The following UNC13B variants were observed in gnomAD, a reference collection of about 807,000 sequenced individuals.
The protein encoded by UNC13B is protein unc-13 homolog B.
A neutral mutation model predicts 211.0 loss-of-function variants in UNC13B; 144 were observed. That is an observed-to-expected ratio of 0.68 (90% CI 0.60 to 0.78). The LOEUF is 0.78. UNC13B is among the 30% of genes least tolerant of loss of function. UNC13B has a pLI of 0.00. For missense variants in UNC13B, 1,777 were observed against 2,002.0 expected, an observed-to-expected ratio of 0.89 and a Z score of 2.14; for synonymous variants, 709 against 725.8, an observed-to-expected ratio of 0.98 and a Z score of 0.37.
At position 35,301,645 on chromosome 9, in the gene UNC13B, T is replaced by C. The variant is rs1347717096; in HGVS notation, c.2241T>C (p.Asn747=). ...PSNLVSSASK[N]DESLLEEKLC... is the part of the protein sequence containing the mutation. ...ACTTAGTTAGTTCTGCAAGTAAAAA[T>C]GATGAGAGTCTATTGGAAGAAAAAC... is the stretch of plus-strand genomic sequence containing the variant. The change falls in exon 9 of 40, where the codon AAT becomes AAC. Residue 747 remains asparagine, a synonymous_variant. Coordinates refer to ENST00000635942, the MANE Select transcript of UNC13B (RefSeq NM_001371189.2). 1 of 398,676 alleles carries C rather than the reference T, an allele frequency of 2.5e-6. No homozygotes were observed. The highest frequency in any genetic ancestry group is 4.4e-6 in the Non-Finnish European group (1 of 225,918). 24.7% of individuals were successfully genotyped at this position (398,676 alleles called of 1,614,324 possible). A position where few individuals can be genotyped will look rare whatever the true frequency, so the allele number is the denominator to read the frequency against.
chr9:35,299,284 A>G (rs1829555490), intron 8 of UNC13B, among the ~76,000 whole-genome samples: 1 of 152,300 alleles, frequency 6.6e-6, no homozygotes, highest in East Asian at 1.9e-4. Context: ...GTAGTATAAC[A>G]AAGTTTGACT....
At position 35,380,795 on chromosome 9, in the gene UNC13B, G is replaced by T. The variant is rs1432238709; in HGVS notation, c.10375+156G>T. ...GAACTGACTGTGGGGAGGGATGGGGGACAGAGGAGTGGCAGTGGCTGTGAG... is the reference window on the plus strand; with the variant it reads ...GAACTGACTGTGGGGAGGGATGGGGTACAGAGGAGTGGCAGTGGCTGTGAG... On this transcript the variant is annotated intron_variant, in intron 18 of 39. Transcript: ENST00000635942. Among the ~76,000 whole-genome samples, 4 of 152,190 alleles carry T rather than the reference G, an allele frequency of 2.6e-5. No homozygotes were observed. The East Asian group carries it at 7.7e-4, about 29-fold the overall frequency.
intron 1 of UNC13B, among the ~76,000 whole-genome samples, chr9:35,225,731 A>G (rs984662279): frequency 1.3e-5 from 2 of 151,854 alleles, no homozygotes; most frequent in Non-Finnish European, 2.9e-5. Context: ...CTGGGGACTG[A>G]TATGCCAGAT....
At chr9:35,164,733 A>G (rs138188951) in intron 1 of UNC13B, among the ~76,000 whole-genome samples, 1 of 152,324 alleles carries the variant, frequency 6.6e-6, no homozygotes, top group African/African-American at 2.4e-5. Context: ...TACTCGTTCC[A>G]TATTTTCTGC....
chr9:35,298,954 G>A (rs1464773758), intron 8 of UNC13B, among the ~76,000 whole-genome samples: 1 of 152,142 alleles, frequency 6.6e-6, no homozygotes, highest in East Asian at 1.9e-4. Flanking sequence ...CCTTAGGCTG[G>A]GCATGGTGGC....
At chr9:35,236,342 G>C in intron 3 of UNC13B, 127 bp from the exon 4 acceptor site, 1 of 753,654 alleles carries the variant, frequency 1.3e-6, no homozygotes, top group African/African-American at 1.8e-5. Context: ...GGCATTCTGG[G>C]AAATTTTGAT....
At position 35,247,500 on chromosome 9, in the gene UNC13B, T is replaced by G. The variant is rs1359279879; in HGVS notation, c.468+4136T>G. On this transcript the variant is annotated intron_variant, in intron 6 of 39. Transcript: ENST00000635942. ...ATATTGGCTGTGGGTTTGTCATAGA[T>G]AGCTCTTATTATTTTGAGATACGTC... 3.3e-5 allele frequency among the ~76,000 whole-genome samples: 5 copies of G among 152,118 alleles called. No homozygotes were observed. In the East Asian group the frequency reaches 9.6e-4, roughly 29 times the overall value.
At chr9:35,396,221 C>A (rs769279221) in intron 26 of UNC13B, among the ~76,000 whole-genome samples, 1 of 152,198 alleles carries the variant, frequency 6.6e-6, no homozygotes, top group East Asian at 1.9e-4. Context: ...CACTTCCAAA[C>A]GCTAGAGCAA....
At chr9:35,184,781 G>GAAGA (rs1822253938) in intron 1 of UNC13B, among the ~76,000 whole-genome samples, 1 of 44,566 alleles carries the variant, frequency 2.2e-5, no homozygotes, top group South Asian at 1.3e-3. Context: ...AGGAAGGAAG[G>GAAGA]AGAAAGAAAG....
chr9:35,174,627 A>G (rs1821519510), intron 1 of UNC13B, among the ~76,000 whole-genome samples: 1 of 151,306 alleles, frequency 6.6e-6, no homozygotes, highest in Admixed American at 6.6e-5. Context: ...GGCTCACTGC[A>G]AGCTCTGCGT....
intron 1 of UNC13B, among the ~76,000 whole-genome samples, chr9:35,197,715 C>T (rs945110317): frequency 5.9e-5 from 9 of 151,528 alleles, no homozygotes; most frequent in Non-Finnish European, 1.0e-4. Context: ...ACAGTGAGTT[C>T]GTTCTCATGA....
In UNC13B at chr9:35,349,347, GAA is replaced by G. The variant is rs56137649; in HGVS notation, c.9415-17582_9415-17581del. On this transcript the variant is annotated intron_variant, in intron 11 of 39. Coordinates refer to ENST00000635942, the MANE Select transcript of UNC13B (RefSeq NM_001371189.2). Reference sequence around the variant, plus strand: ...ACCCAATCCCTACATGGTTGGGGAGGAAAAAAAAAAAAAAAAAAAGGAGTATC... The same window carrying G: ...ACCCAATCCCTACATGGTTGGGGAGGAAAAAAAAAAAAAAAAAGGAGTATC... Among the ~76,000 whole-genome samples, 401 of 115,446 alleles carry G rather than the reference GAA, an allele frequency of 3.5e-3. 3 individuals are homozygous for G. Among genetic ancestry groups the G allele is most frequent in the African/African-American group, 0.01 (326 of 31,840 alleles). 75.7% of individuals were successfully genotyped at this position (115,446 alleles called of 152,430 possible). A position where few individuals can be genotyped will look rare whatever the true frequency, so the allele number is the denominator to read the frequency against.
rs1829914167 is a variant in UNC13B, at chr9:35,306,184, CA to C, written c.6781del (p.Arg2261GlufsTer11). The C allele has an allele frequency of 5.0e-6, 2 of 398,866 alleles. No individual in the cohort carries two copies. The highest frequency in any genetic ancestry group is 8.8e-6 in the Non-Finnish European group (2 of 226,052). The allele number at this position is 398,866 out of a possible 1,614,324, so 24.7% of individuals were successfully genotyped here. On this transcript the variant is annotated frameshift_variant, in exon 9 of 40. Transcript: ENST00000635942. LOFTEE classifies it high-confidence loss of function. ...VFVESGSTMT[R>X]ESSSGHRDSI... ...TTGTAGAGAGTGGTAGCACAATGACCAGAGAAAGTTCCAGTGGTCATAGAGA... is the reference window on the plus strand; with the variant it reads ...TTGTAGAGAGTGGTAGCACAATGACCGAGAAAGTTCCAGTGGTCATAGAGA...
In UNC13B at chr9:35,390,705, G is replaced by A; in HGVS notation, c.11299G>A (p.Ala3767Thr). Residue 3767 changes from alanine (A) to threonine (T), a missense_variant, in exon 26 of 40, where the codon GCA becomes ACA. By Grantham distance (58) the Ala-to-Thr change is moderately conservative. Coordinates refer to ENST00000635942, the MANE Select transcript of UNC13B (RefSeq NM_001371189.2). The stretch of plus-strand genomic sequence containing the variant: ...TTTGTTTGCCCAAGACATGAAATAT[G>A]CATTGGAGGGTAAGGATCTGTTCAA... ...WHLFAQDMKY[A>T]LEEHEKDHLC... is the part of the protein sequence containing the mutation. 6.2e-7 allele frequency: 1 copy of A among 1,614,016 alleles called. No individual in the cohort carries two copies. The highest frequency in any genetic ancestry group is 1.3e-5 in the African/African-American group (1 of 75,056).
At chr9:35,271,641 A>G (rs763247386) in intron 7 of UNC13B, among the ~76,000 whole-genome samples, 1 of 152,220 alleles carries the variant, frequency 6.6e-6, no homozygotes, top group African/African-American at 2.4e-5. Context: ...ATTTCTACCT[A>G]TATCTTGTCA....
intron 23 of UNC13B, 44 bp downstream of exon 23, chr9:35,385,857 T>C (rs371303726): frequency 5.1e-6 from 8 of 1,578,570 alleles, no homozygotes; most frequent in Non-Finnish European, 6.9e-6. Flanking sequence ...GCTGGAGACC[T>C]GGCTACAGGA....
chr9:35,208,950 C>T (rs1823812940), intron 1 of UNC13B, among the ~76,000 whole-genome samples: 1 of 152,164 alleles, frequency 6.6e-6, no homozygotes, highest in South Asian at 2.1e-4. Context: ...CACTGTTTAT[C>T]CACCTTGCAA....
intron 10 of UNC13B, 75 bp downstream of exon 10, chr9:35,310,856 A>G (rs1830151883): frequency 4.2e-6 from 6 of 1,420,732 alleles, no homozygotes; most frequent in Non-Finnish European, 5.7e-6. Context: ...AAAATAAGTG[A>G]TTGTCATTTG....
intron 13 of UNC13B, among the ~76,000 whole-genome samples, chr9:35,371,445 G>T (rs971944826): frequency 1.3e-5 from 2 of 151,170 alleles, no homozygotes; most frequent in Non-Finnish European, 2.9e-5. Context: ...TTCCCAAAGT[G>T]CTGGGATTAC....
Sources: gnomAD v4.1 joint callset for allele counts (sites outside exome capture counted in the v4.1 genomes callset) on GRCh38, gnomAD v4.1.1 for gene constraint, MANE v1.5 for transcripts, NCBI Gene and HGNC (gene_info 2026-07-23, HGNC 2026-07-21) for gene names.